NTRK2: variants seen among roughly 807,000 people sequenced by gnomAD.
NTRK2 encodes the protein neurotrophic receptor tyrosine kinase 2.
NTRK2 carries 13 observed loss-of-function variants against 94.5 expected under a neutral mutation model. The ratio of observed to expected loss-of-function variants is 0.14; its 90% CI spans 0.09 to 0.22. The LOEUF (loss-of-function observed/expected upper bound fraction) is 0.22, where lower values mean the gene tolerates loss of function less well. NTRK2 is among the 10% of genes least tolerant of loss of function. NTRK2 has a pLI of 1.00. For missense variants in NTRK2, 639 were observed against 1,071.2 expected (o/e 0.60, Z 5.63); for synonymous variants, 372 against 407.4 (o/e 0.91, Z 1.05).
At chr9:84,764,143 CA>C (rs1324825884) in intron 12 of NTRK2, among the ~76,000 whole-genome samples, 12 of 152,192 alleles carry the variant, frequency 7.9e-5, no homozygotes, top group African/African-American at 2.9e-4. Flanking sequence ...CAGGTTGTTA[CA>C]CTATCAGTGG....
chr9:84,914,215 A>C (rs1327326005), intron 14 of NTRK2, among the ~76,000 whole-genome samples: 1 of 151,898 alleles, frequency 6.6e-6, no homozygotes. Flanking sequence ...CCCGGCACTT[A>C]CTATTTTTTA....
chr9:84,928,685 C>T (rs960899199), intron 14 of NTRK2, among the ~76,000 whole-genome samples: 1 of 152,096 alleles, frequency 6.6e-6, no homozygotes, highest in Non-Finnish European at 1.5e-5. Context: ...CTGTCAAACC[C>T]GAGGGAGCCA....
At position 84,707,851 on chromosome 9, in the gene NTRK2, A is replaced by C; in HGVS notation, c.367A>C (p.Thr123Pro). 1.2e-6 allele frequency: 2 copies of C among 1,612,418 alleles called. No individual in the cohort carries two copies. Among genetic ancestry groups the C allele is most frequent in the Non-Finnish European group, 1.7e-6 (2 of 1,178,790 alleles). Residue 123 changes from threonine to proline, a missense_variant, in exon 5 of 19, where the codon ACC (threonine) becomes CCC (proline). Thr to Pro is a conservative substitution (Grantham distance 38). Transcript: ENST00000277120. ...KNSNLQHINF[T>P]RNKLTSLSRK... ...GTTTTTGATTCCTTTCAGCAATTTT[A>C]CCCGAAACAAACTGACGAGTTTGTC...
At chr9:84,931,434 G>C (rs955294602) in intron 14 of NTRK2, among the ~76,000 whole-genome samples, 1 of 151,758 alleles carries the variant, frequency 6.6e-6, no homozygotes, top group African/African-American at 2.4e-5. Context: ...GAGAGAGAGA[G>C]AGAGAAATTT....
intron 12 of NTRK2, among the ~76,000 whole-genome samples, chr9:84,793,755 T>A (rs2068971522): frequency 3.3e-5 from 5 of 152,220 alleles, no homozygotes; most frequent in Admixed American, 3.3e-4. Flanking sequence ...ATTCTGTTGT[T>A]GCTCGCAGAA....
At chr9:84,698,890 C>T (rs1160010630) in intron 2 of NTRK2, among the ~76,000 whole-genome samples, 1 of 152,124 alleles carries the variant, frequency 6.6e-6, no homozygotes, top group Non-Finnish European at 1.5e-5. Flanking sequence ...TGATTTGATT[C>T]TTCACTTAGT....
intron 17 of NTRK2, among the ~76,000 whole-genome samples, chr9:85,005,354 G>A (rs564612620): frequency 3.9e-5 from 6 of 152,258 alleles, no homozygotes; most frequent in Middle Eastern, 3.4e-3. Context: ...GGAAACATCC[G>A]TCTTCCATCA....
chr9:84,745,756 A>G (rs1017320113), intron 11 of NTRK2, among the ~76,000 whole-genome samples: 1 of 152,164 alleles, frequency 6.6e-6, no homozygotes, highest in African/African-American at 2.4e-5. Context: ...AGGTGGAGAA[A>G]CATCGTGAAG....
chr9:84,820,639 A>G (rs1406475900), intron 12 of NTRK2, among the ~76,000 whole-genome samples: 1 of 152,176 alleles, frequency 6.6e-6, no homozygotes, highest in Non-Finnish European at 1.5e-5. Context: ...AATTGTTTCA[A>G]ATCTCCTAAA....
intron 9 of NTRK2, among the ~76,000 whole-genome samples, chr9:84,730,235 A>C (rs2062743143): frequency 6.6e-6 from 1 of 152,166 alleles, no homozygotes; most frequent in African/African-American, 2.4e-5. Context: ...AGGAGTAATA[A>C]ATGAAAGTGG....
At chr9:84,958,868 A>G (rs1017429725) in intron 17 of NTRK2, among the ~76,000 whole-genome samples, 2 of 152,144 alleles carry the variant, frequency 1.3e-5, no homozygotes, top group African/African-American at 4.8e-5. Context: ...TGACATATCG[A>G]TGGGGCCCAT....
chr9:84,777,757 T>C (rs557170029), intron 12 of NTRK2, among the ~76,000 whole-genome samples: 38 of 152,182 alleles, frequency 2.5e-4, no homozygotes, highest in Non-Finnish European at 1.2e-4. Flanking sequence ...TAGCAAGCCA[T>C]TGCAAAACAG....
chr9:84,710,920 GACA>G (rs1296750251), intron 6 of NTRK2, 129 bp downstream of exon 6: 4 of 870,724 alleles, frequency 4.6e-6, no homozygotes, highest in Non-Finnish European at 7.4e-6. Context: ...CAGTGACTCA[GACA>G]ACATTTATGT....
At chr9:84,764,136 G>T (rs1263898412) in intron 12 of NTRK2, among the ~76,000 whole-genome samples, 1 of 152,190 alleles carries the variant, frequency 6.6e-6, no homozygotes, top group Admixed American at 6.6e-5. Context: ...ATTGTGTCAG[G>T]TTGTTACACT....
At chr9:84,756,765 A>AT (rs979930527) in intron 12 of NTRK2, among the ~76,000 whole-genome samples, 13 of 152,078 alleles carry the variant, frequency 8.5e-5, no homozygotes, top group African/African-American at 2.9e-4. Flanking sequence ...ATCCACATTC[A>AT]TTTGTCCTAC....
chr9:85,016,015 A>C (rs1832184393), intron 17 of NTRK2, among the ~76,000 whole-genome samples: 1 of 152,242 alleles, frequency 6.6e-6, no homozygotes, highest in South Asian at 2.1e-4. Flanking sequence ...TGCACTATCC[A>C]GGCAAGTCCA....
chr9:84,740,199 T>C (rs2132278923), intron 9 of NTRK2, among the ~76,000 whole-genome samples: 1 of 152,308 alleles, frequency 6.6e-6, no homozygotes, highest in Admixed American at 6.5e-5. Context: ...GGGAAAGGAC[T>C]TCAGAGGACA....
intron 12 of NTRK2, among the ~76,000 whole-genome samples, chr9:84,787,509 TA>T (rs2068247716): frequency 6.6e-6 from 1 of 152,264 alleles, no homozygotes; most frequent in Admixed American, 6.5e-5. Context: ...TTATTCAGGG[TA>T]CCAGGTCATG....
At chr9:84,687,607 C>T (rs1480647265) in intron 2 of NTRK2, among the ~76,000 whole-genome samples, 1 of 152,134 alleles carries the variant, frequency 6.6e-6, no homozygotes, top group Non-Finnish European at 1.5e-5. Flanking sequence ...ACATACAGTT[C>T]AGAAGGCAAT....
Sources: allele counts gnomAD v4.1 joint callset (sites outside exome capture counted in the v4.1 genomes callset), GRCh38; gene constraint gnomAD v4.1.1; transcripts MANE v1.5; gene names NCBI Gene and HGNC (gene_info 2026-07-23, HGNC 2026-07-21).